Variants in FNIP1 observed in about 807,000 individuals in gnomAD.
FNIP1 encodes folliculin-interacting protein 1.
FNIP1 carries 40 observed loss-of-function variants against 124.5 expected under a neutral mutation model. The ratio of observed to expected loss-of-function variants is 0.32; its 90% confidence interval spans 0.25 to 0.42. The LOEUF is 0.42. FNIP1 is among the 10% of genes least tolerant of loss of function. FNIP1 has a pLI of 1.00. For missense variants in FNIP1, 1,176 were observed against 1,403.7 expected (o/e 0.84, Z 2.59); for synonymous variants, 472 against 470.6 (o/e 1.00, Z -0.04).
chr5:131,730,929 A>G lies in FNIP1; in HGVS notation c.329T>C (p.Ile110Thr), dbSNP rs1211019119. The G allele has an allele frequency of 1.2e-6, 2 of 1,607,256 alleles. No individual in the cohort carries two copies. Among genetic ancestry groups the G allele is most frequent in the African/African-American group, 1.3e-5 (1 of 74,736 alleles). The part of the protein sequence containing the change: ...LDSSVTSSSD[I>T]KDQCLKYQGS... ...CTGGTACTTAAGACACTGGTCTTTT[A>G]TATCAGAAGATGAAGTCACAGAACT... Residue 110 changes from isoleucine (I) to threonine (T), a missense_variant, in exon 3 of 18, where the codon ATA becomes ACA. This residue lies in a region of FNIP1 where 1,109 missense variants were observed against 1,288.5 expected (regional missense o/e 0.86). Coordinates refer to ENST00000510461, the MANE Select transcript of FNIP1 (RefSeq NM_133372.3).
At chr5:131,680,235 C>T (rs1768038566) in intron 11 of FNIP1, among the ~76,000 whole-genome samples, 1 of 152,100 alleles carries the variant, frequency 6.6e-6, no homozygotes, top group South Asian at 2.1e-4. Context: ...AATTCTAATA[C>T]CAACCTCAGT....
chr5:131,756,409 A>T (rs1359788694), intron 1 of FNIP1, among the ~76,000 whole-genome samples: 1 of 152,116 alleles, frequency 6.6e-6, no homozygotes, highest in Non-Finnish European at 1.5e-5. Context: ...CCCTTTTTTT[A>T]AAAAAAGGAA....
chr5:131,749,083 A>G (rs979741655), intron 1 of FNIP1, among the ~76,000 whole-genome samples: 11 of 152,222 alleles, frequency 7.2e-5, no homozygotes, highest in African/African-American at 1.9e-4. Flanking sequence ...CAGCTGTACA[A>G]TGTTTGTGTC....
chr5:131,746,441 A>G (rs756284636), intron 1 of FNIP1, among the ~76,000 whole-genome samples: 1 of 152,086 alleles, frequency 6.6e-6, no homozygotes, highest in Non-Finnish European at 1.5e-5. Flanking sequence ...GCCTTGCTCT[A>G]CTAGTCCTCA....
At chr5:131,705,889 AT>A (rs1359407929) in intron 9 of FNIP1, among the ~76,000 whole-genome samples, 1 of 152,202 alleles carries the variant, frequency 6.6e-6, no homozygotes, top group East Asian at 1.9e-4. Context: ...TGTGGTATGT[AT>A]ATACAACGGA....
Position 131,672,689 on chromosome 5 carries a change from A to G in FNIP1, c.1755T>C (p.Leu585=). The change falls in exon 14 of 18, where the codon CTT becomes CTC. Residue 585 remains leucine (L), a synonymous_variant. Transcript: ENST00000510461. ...TGCTTTTGTTTCTATGCATTGTGAC[A>G]AGGACATACTCTGATTCTTCTATTT... ...KGEIEESEYV[L]VTMHRNKSSL... 8 of 1,614,172 alleles carry G rather than the reference A, an allele frequency of 5.0e-6. No individual in the cohort carries two copies. The highest frequency in any genetic ancestry group is 5.9e-6 in the Non-Finnish European group (7 of 1,180,024).
intron 15 of FNIP1, among the ~76,000 whole-genome samples, chr5:131,657,019 CTTTT>C (rs71000999): frequency 1.1e-5 from 1 of 89,620 alleles, no homozygotes; most frequent in Non-Finnish European, 2.1e-5. Flanking sequence ...CCACCCATGC[CTTTT>C]TTTTTTTTTT....
In FNIP1 at chr5:131,759,827, G is replaced by C. The variant is rs145279957; in HGVS notation, c.93-15137C>G. 3.3e-3 allele frequency among the ~76,000 whole-genome samples: 503 copies of C among 152,210 alleles called. 2 individuals are homozygous for C. The highest frequency in any genetic ancestry group is 0.012 in the African/African-American group (482 of 41,536). Reference sequence around the variant, plus strand: ...ATACTATTTATGATAACAAAGACATGGAATAAACCTAGGGGCCCATCAATG... The same window carrying C: ...ATACTATTTATGATAACAAAGACATCGAATAAACCTAGGGGCCCATCAATG... On this transcript the variant is annotated intron_variant, in intron 1 of 17. Coordinates refer to ENST00000510461, the MANE Select transcript of FNIP1 (RefSeq NM_133372.3).
intron 15 of FNIP1, among the ~76,000 whole-genome samples, chr5:131,665,177 G>A (rs1179601209): frequency 6.6e-6 from 1 of 152,072 alleles, no homozygotes; most frequent in Non-Finnish European, 1.5e-5. Flanking sequence ...TATAGCCAAA[G>A]AAACTGAGGC....
chr5:131,741,735 G>T (rs1770519163), intron 2 of FNIP1, among the ~76,000 whole-genome samples: 2 of 152,070 alleles, frequency 1.3e-5, no homozygotes, highest in Admixed American at 1.3e-4. Context: ...CATTTAAAAG[G>T]ACTCCAGTAA....
At chr5:131,756,291 G>C (rs1020153080) in intron 1 of FNIP1, among the ~76,000 whole-genome samples, 2 of 152,040 alleles carry the variant, frequency 1.3e-5, no homozygotes, top group Non-Finnish European at 2.9e-5. Context: ...CATCTAAACT[G>C]AAGTTTTAAA....
At chr5:131,784,922 G>A (rs766831804) in intron 1 of FNIP1, among the ~76,000 whole-genome samples, 1 of 147,568 alleles carries the variant, frequency 6.8e-6, no homozygotes, top group African/African-American at 2.5e-5. Context: ...TCAGGACTGG[G>A]TTTGAGGCAC....
chr5:131,655,055 T>G (rs1767151049), intron 15 of FNIP1, among the ~76,000 whole-genome samples: 1 of 152,212 alleles, frequency 6.6e-6, no homozygotes, highest in Non-Finnish European at 1.5e-5. Context: ...ACCAACAACA[T>G]GGGTTTGAAC....
At chr5:131,740,984 A>G (rs532135728) in intron 2 of FNIP1, among the ~76,000 whole-genome samples, 1 of 143,626 alleles carries the variant, frequency 7.0e-6, no homozygotes, top group East Asian at 1.9e-4. Flanking sequence ...TATATGGTGT[A>G]AAAAATGGGA....
rs779658641 is a variant in FNIP1, at chr5:131,716,675, AAATT to A, written c.531-23_531-20del. 1.4e-6 allele frequency: 2 copies of A among 1,459,186 alleles called. No individual in the cohort carries two copies. The allele number at this position is 1,459,186 out of a possible 1,614,324, so 90.4% of individuals were successfully genotyped here. A position where few individuals can be genotyped will look rare whatever the true frequency, so the allele number is the denominator to read the frequency against. On this transcript the variant is annotated intron_variant, in intron 5 of 17. Coordinates refer to ENST00000510461, the MANE Select transcript of FNIP1 (RefSeq NM_133372.3). ...TTGTAGCCTATGGAGGGTGAGAAGA[AAATT>A]AATTCCAAATTCATTTTATGGTTTA...
In FNIP1 at chr5:131,672,621, C is replaced by G; in HGVS notation, c.1823G>C (p.Cys608Ser). ...TGGATGACTGCAATATTTACAGTTA[C>G]AATTGGGAGTTCTAATTTCTTCTGA... ...KESEEIRTPN[C>S]NCKYCSHPLL... The change falls in exon 14 of 18, where the codon TGT becomes TCT. Residue 608 changes from cysteine to serine, a missense_variant. By Grantham distance (112) the Cys-to-Ser change is moderately radical. Transcript: ENST00000510461. 1 of 1,614,170 alleles carries G rather than the reference C, an allele frequency of 6.2e-7. No homozygotes were observed. The highest frequency in any genetic ancestry group is 8.5e-7 in the Non-Finnish European group (1 of 1,180,036).
At chr5:131,750,497 C>T (rs1319696147) in intron 1 of FNIP1, among the ~76,000 whole-genome samples, 2 of 152,024 alleles carry the variant, frequency 1.3e-5, no homozygotes, top group African/African-American at 2.4e-5. Flanking sequence ...AAAGATACAA[C>T]AGTAGCTAAG....
At chr5:131,716,785 T>G in intron 5 of FNIP1, 129 bp from the exon 6 acceptor site, 1 of 563,102 alleles carries the variant, frequency 1.8e-6, no homozygotes, top group Non-Finnish European at 3.1e-6. Flanking sequence ...TTAACTAACA[T>G]AATCATTTAA....
intron 1 of FNIP1, among the ~76,000 whole-genome samples, chr5:131,780,246 A>G (rs1489700677): frequency 6.6e-6 from 1 of 152,146 alleles, no homozygotes; most frequent in Non-Finnish European, 1.5e-5. Flanking sequence ...AAATCTAGCA[A>G]ATGAATTTTC....
Sources: allele counts gnomAD v4.1 joint callset (sites outside exome capture counted in the v4.1 genomes callset), GRCh38; gene constraint gnomAD v4.1.1; regional missense constraint gnomAD v4.1.1; transcripts MANE v1.5; gene names NCBI Gene and HGNC (gene_info 2026-07-23, HGNC 2026-07-21).